The following WDR7 variants were observed in gnomAD, a reference collection of about 807,000 sequenced individuals.
WDR7 encodes WD repeat-containing protein 7.
A neutral mutation model predicts 169.4 loss-of-function variants in WDR7; 46 were observed. The observed-to-expected ratio is 0.27, with a 90% CI of 0.21 to 0.35. The LOEUF is 0.35. WDR7 is among the 10% of genes least tolerant of loss of function. The probability of loss-of-function intolerance (pLI) is 1.00; values close to 1 mark genes in which losing one functional copy is unlikely to be tolerated. For missense variants in WDR7, 1,534 were observed against 1,859.3 expected (o/e 0.83, Z 3.22); for synonymous variants, 612 against 666.8 (o/e 0.92, Z 1.27).
chr18:56,969,068 A>G (rs2047449277), intron 26 of WDR7, among the ~76,000 whole-genome samples: 1 of 152,166 alleles, frequency 6.6e-6, no homozygotes, highest in South Asian at 2.1e-4. Context: ...CTCCAGCTCC[A>G]TGACTTTTAA....
chr18:56,709,033 G>GAAATTA (rs1336401279), intron 12 of WDR7, among the ~76,000 whole-genome samples: 1 of 152,008 alleles, frequency 6.6e-6, no homozygotes, highest in African/African-American at 2.4e-5. Flanking sequence ...ATATATAAGT[G>GAAATTA]AAATTAAAGA....
At chr18:56,700,262 T>TC (rs1337243992) in intron 12 of WDR7, among the ~76,000 whole-genome samples, 44 of 129,160 alleles carry the variant, frequency 3.4e-4, no homozygotes, top group Non-Finnish European at 5.2e-4. Flanking sequence ...CTTTTTTTTT[T>TC]TTTTTTTTTT....
At chr18:56,759,655 T>C (rs1390213894) in intron 16 of WDR7, among the ~76,000 whole-genome samples, 4 of 152,168 alleles carry the variant, frequency 2.6e-5, no homozygotes. Context: ...GAGTTAATAC[T>C]GACTCTTCAC....
At chr18:56,883,705 CT>C (rs1295423643) in intron 21 of WDR7, among the ~76,000 whole-genome samples, 2 of 152,016 alleles carry the variant, frequency 1.3e-5, no homozygotes, top group African/African-American at 4.8e-5. Flanking sequence ...TTGTATCATT[CT>C]TATGCTTTTG....
At chr18:56,876,665 T>A (rs1031079935) in intron 20 of WDR7, among the ~76,000 whole-genome samples, 8 of 151,964 alleles carry the variant, frequency 5.3e-5, no homozygotes, top group African/African-American at 1.9e-4. Context: ...AAAAAATTGA[T>A]AAAAAAGAAG....
At chr18:56,652,033 T>C (rs2024666778) in intron 1 of WDR7, among the ~76,000 whole-genome samples, 1 of 152,210 alleles carries the variant, frequency 6.6e-6, no homozygotes, top group Non-Finnish European at 1.5e-5. Context: ...ATTTTTGAGA[T>C]GCCATCTGCC....
chr18:57,026,087 G>C (rs1354689776), intron 27 of WDR7, among the ~76,000 whole-genome samples: 1 of 152,144 alleles, frequency 6.6e-6, no homozygotes, highest in African/African-American at 2.4e-5. Context: ...TAATGCTATT[G>C]AAGATATTTT....
At chr18:56,898,442 A>T (rs1341699584) in intron 21 of WDR7, among the ~76,000 whole-genome samples, 1 of 152,056 alleles carries the variant, frequency 6.6e-6, no homozygotes, top group Non-Finnish European at 1.5e-5. Flanking sequence ...CTCCCAAGAT[A>T]TGTATCAGTT....
At chr18:56,868,753 A>G (rs1367421573) in intron 20 of WDR7, among the ~76,000 whole-genome samples, 1 of 152,180 alleles carries the variant, frequency 6.6e-6, no homozygotes, top group Non-Finnish European at 1.5e-5. Flanking sequence ...AAATGCGAAT[A>G]ATGGTCTCAG....
chr18:56,783,552 T>C (rs1165451787), intron 19 of WDR7, among the ~76,000 whole-genome samples: 4 of 152,236 alleles, frequency 2.6e-5, no homozygotes, highest in African/African-American at 7.2e-5. Flanking sequence ...TATGGAAATA[T>C]TGAGACATTG....
Position 56,974,193 on chromosome 18 carries a change from T to C in WDR7, c.4164+11664T>C, listed in dbSNP as rs62098607. On this transcript the variant is annotated intron_variant, in intron 26 of 27. Coordinates refer to ENST00000254442, the MANE Select transcript of WDR7 (RefSeq NM_015285.3). ...TATCTCACACCTAATTTCATGTGTG[T>C]ACATATGTTTTTTAAAAGCCCTATT... Among the ~76,000 whole-genome samples, 164 of 152,280 alleles carry C rather than the reference T, an allele frequency of 1.1e-3. 1 individual carries two copies. The highest frequency in any genetic ancestry group is 2.6e-3 in the Admixed American group (40 of 15,302).
rs746876294 is a variant in WDR7 at position 56,757,288 on chromosome 18, A to T, written c.2695A>T (p.Asn899Tyr). Residue 899 changes from asparagine (N) to tyrosine (Y), a missense_variant, in exon 15 of 28, where the codon AAT becomes TAT. Asn to Tyr is a moderately radical substitution (Grantham distance 143). Transcript: ENST00000254442. Reference protein sequence around the residue: ...QHLLSIISLANTLMSMTNATF... With the variant: ...QHLLSIISLAYTLMSMTNATF... The stretch of plus-strand genomic sequence containing the variant: ...TCTCCTGTCTATCATTTCTTTGGCA[A>T]ATACTTTAATGAGTATGACCAATGC... The T allele has an allele frequency of 3.1e-6, 5 of 1,614,158 alleles. No homozygotes were observed. The highest frequency in any genetic ancestry group is 4.2e-6 in the Non-Finnish European group (5 of 1,180,030).
At chr18:56,823,445 T>G (rs374968301) in intron 20 of WDR7, among the ~76,000 whole-genome samples, 1 of 152,086 alleles carries the variant, frequency 6.6e-6, no homozygotes, top group Non-Finnish European at 1.5e-5. Flanking sequence ...TTTGTATTCA[T>G]AGTGGTGGCA....
At chr18:56,884,840 C>A (rs1452220942) in intron 21 of WDR7, among the ~76,000 whole-genome samples, 2 of 152,230 alleles carry the variant, frequency 1.3e-5, no homozygotes, top group Non-Finnish European at 2.9e-5. Flanking sequence ...CCAACCAACA[C>A]AAAACTGGTG....
At chr18:56,750,301 C>T (rs570034167) in intron 14 of WDR7, among the ~76,000 whole-genome samples, 1 of 152,136 alleles carries the variant, frequency 6.6e-6, no homozygotes, top group Admixed American at 6.5e-5. Context: ...TTGGTTCTTA[C>T]ACTGAAAATG....
At chr18:57,031,761 C>T (rs1393361778), downstream of WDR7, 2 of 152,234 alleles carry the variant, frequency 1.3e-5, no homozygotes, top group African/African-American at 2.4e-5. Context: ...GAGTCTAGCA[C>T]TGCTCGAATT....
intron 21 of WDR7, among the ~76,000 whole-genome samples, chr18:56,895,122 T>C (rs1410001771): frequency 6.6e-6 from 1 of 151,958 alleles, no homozygotes; most frequent in African/African-American, 2.4e-5. Flanking sequence ...TTATTTAGCA[T>C]GGACATTTTA....
intron 16 of WDR7, among the ~76,000 whole-genome samples, chr18:56,765,371 G>T (rs2430891): frequency 0.61 from 92,408 of 151,564 alleles, 28,233 homozygotes; most frequent in Non-Finnish European, 0.63. Flanking sequence ...GATTCCATTT[G>T]ATCTCCTTTA....
chr18:56,656,541 A>G (rs1303428029), intron 1 of WDR7, among the ~76,000 whole-genome samples: 1 of 151,072 alleles, frequency 6.6e-6, no homozygotes, highest in Non-Finnish European at 1.5e-5. Context: ...CAGCCTCCCA[A>G]AGTGCTAGGA....
Sources: gnomAD v4.1 joint callset for allele counts (sites outside exome capture counted in the v4.1 genomes callset) on GRCh38, gnomAD v4.1.1 for gene constraint, MANE v1.5 for transcripts, NCBI Gene and HGNC (gene_info 2026-07-23, HGNC 2026-07-21) for gene names.